The following ZNF850 variants were observed in gnomAD, a reference collection of about 807,000 sequenced individuals.
ZNF850 encodes putative zinc finger protein ENSP00000330994.
ZNF850 carries 2 observed loss-of-function variants against 11.9 expected under a neutral mutation model. The observed-to-expected ratio is 0.17, with a 90% confidence interval of 0.07 to 0.53. The LOEUF (loss-of-function observed/expected upper bound fraction) is 0.53, where lower values mean the gene tolerates loss of function less well. Among genes scored for constraint, ZNF850 ranks in the 20% least tolerant of loss-of-function variants. The pLI is 0.94. For missense variants in ZNF850, 1,014 were observed against 1,316.4 expected (o/e 0.77, Z 3.55); for synonymous variants, 381 against 443.0 (o/e 0.86, Z 1.76).
intron 1 of ZNF850, among the ~76,000 whole-genome samples, chr19:36,768,617 A>G (rs1268919331): frequency 3.3e-5 from 5 of 152,070 alleles, no homozygotes; most frequent in Non-Finnish European, 5.9e-5. Flanking sequence ...CTAGGGTTCT[A>G]CCTTTTCTGT....
intron 1 of ZNF850, among the ~76,000 whole-genome samples, chr19:36,768,914 A>G (rs1462096885): frequency 1.4e-5 from 2 of 145,432 alleles, no homozygotes; most frequent in Non-Finnish European, 3.0e-5. Flanking sequence ...GTATGCCATG[A>G]TCCTGCCACT....
chr19:36,761,574 G>T, intron 4 of ZNF850, 69 bp downstream of exon 4: 2 of 848,308 alleles, frequency 2.4e-6, no homozygotes, highest in Non-Finnish European at 1.8e-6. Flanking sequence ...ATACCTGTAC[G>T]GTGCTGCCTC....
At chr19:36,752,654 T>C (rs192497150) in intron 4 of ZNF850, among the ~76,000 whole-genome samples, 1 of 152,070 alleles carries the variant, frequency 6.6e-6, no homozygotes, top group African/African-American at 2.4e-5. Flanking sequence ...AGTCTGTTTA[T>C]AGGAAAGAAA....
At chr19:36,755,907 T>C (rs933198205) in intron 4 of ZNF850, among the ~76,000 whole-genome samples, 2 of 45,564 alleles carry the variant, frequency 4.4e-5, no homozygotes, top group African/African-American at 6.2e-5. Flanking sequence ...GTTTTTAGCC[T>C]TTTTTTTTTT....
At chr19:36,772,508 C>G (rs2040591162) in intron 1 of ZNF850, among the ~76,000 whole-genome samples, 1 of 152,112 alleles carries the variant, frequency 6.6e-6, no homozygotes, top group South Asian at 2.1e-4. Flanking sequence ...CACACAGTCA[C>G]CGGTTCTTCA....
At position 36,750,363 on chromosome 19, in the gene ZNF850, G is replaced by T; in HGVS notation, c.677C>A (p.Ala226Glu). The part of the protein sequence containing the change: ...QRIHTGEKPC[A>E]CKEYGKAFIS... ...AAAAGCTTTTCCATATTCTTTACAT[G>T]CACAGGGCTTTTCCCCAGTATGAAT... The change falls in exon 5 of 5, where the codon GCA becomes GAA. Residue 226 changes from alanine to glutamate, a missense_variant. Transcript: ENST00000591344. 1 of 1,536,442 alleles carries T rather than the reference G, an allele frequency of 6.5e-7. No homozygotes were observed. Among genetic ancestry groups the T allele is most frequent in the Non-Finnish European group, 8.7e-7 (1 of 1,146,872 alleles).
At chr19:36,761,237 C>T (rs2040516125) in intron 4 of ZNF850, among the ~76,000 whole-genome samples, 1 of 151,878 alleles carries the variant, frequency 6.6e-6, no homozygotes, top group Non-Finnish European at 1.5e-5. Flanking sequence ...GTCAGGAGTT[C>T]GAGGCCAGCC....
intron 4 of ZNF850, among the ~76,000 whole-genome samples, chr19:36,756,356 T>C (rs770820669): frequency 6.6e-6 from 1 of 152,226 alleles, no homozygotes; most frequent in Non-Finnish European, 1.5e-5. Flanking sequence ...CCCAGAGGAA[T>C]GCATTCTTGT....
At chr19:36,768,429 T>A (rs1376148701) in intron 1 of ZNF850, among the ~76,000 whole-genome samples, 3 of 152,246 alleles carry the variant, frequency 2.0e-5, no homozygotes, top group African/African-American at 7.2e-5. Flanking sequence ...TTATTTTCAT[T>A]GTTGCTTAAT....
In ZNF850 at chr19:36,748,510, T is replaced by G; in HGVS notation, c.2530A>C (p.Lys844Gln). The G allele has an allele frequency of 6.5e-7, 1 of 1,538,546 alleles. No individual in the cohort carries two copies. Among genetic ancestry groups the G allele is most frequent in the Non-Finnish European group, 8.7e-7 (1 of 1,147,214 alleles). Reference sequence around the variant, plus strand: ...GAAGTAAAAGATTTCCCACATTCTTTACAACTGTAGCGTTTCTCACCAGTG... The same window carrying G: ...GAAGTAAAAGATTTCCCACATTCTTGACAACTGTAGCGTTTCTCACCAGTG... ...VHTGEKRYSC[K>Q]ECGKSFTSRS... Residue 844 changes from lysine (K) to glutamine (Q), a missense_variant, in exon 5 of 5, where the codon AAA becomes CAA. Physicochemically the swap from Lys to Gln is moderately conservative, Grantham distance 53. Transcript: ENST00000591344.
chr19:36,770,703 CAAAAAA>C (rs567709722), intron 1 of ZNF850, among the ~76,000 whole-genome samples: 129 of 66,472 alleles, frequency 1.9e-3, no homozygotes, highest in Non-Finnish European at 2.7e-3. Flanking sequence ...GAGACTCCAT[CAAAAAA>C]AAAAAAAAAA....
rs567940264 is a variant in ZNF850, at chr19:36,750,972, A to G, written c.236-168T>C. Among the ~76,000 whole-genome samples, 5 of 151,054 alleles carry G rather than the reference A, an allele frequency of 3.3e-5. No homozygotes were observed. In the East Asian group the frequency reaches 9.9e-4, roughly 30 times the overall value. Reference sequence around the variant, plus strand: ...TCCCAGCGCTTTGGGAGTCTGAGACAGGAGGATTGCTTGAGCCCAGGAGTT... The same window carrying G: ...TCCCAGCGCTTTGGGAGTCTGAGACGGGAGGATTGCTTGAGCCCAGGAGTT... On this transcript the variant is annotated intron_variant, in intron 4 of 4. Coordinates refer to ENST00000591344, the MANE Select transcript of ZNF850 (RefSeq NM_001193552.2).
intron 1 of ZNF850, among the ~76,000 whole-genome samples, chr19:36,768,887 T>TGGA (rs1476843278): frequency 1.3e-5 from 2 of 150,768 alleles, no homozygotes; most frequent in Non-Finnish European, 2.9e-5. Context: ...CCTTCAGCCC[T>TGGA]GGAGGTCAAG....
rs762672455 is a variant in ZNF850, at chr19:36,749,099, A to G, written c.1941T>C (p.Cys647=). The G allele has an allele frequency of 6.2e-7, 1 of 1,603,280 alleles. No individual in the cohort carries two copies. The highest frequency in any genetic ancestry group is 1.1e-5 in the South Asian group (1 of 90,224). Reference sequence around the variant, plus strand: ...TGACAAAGGCTTTCCCACATTCCTGACATTGATAAGGTTTCTCACCAGTAT... The same window carrying G: ...TGACAAAGGCTTTCCCACATTCCTGGCATTGATAAGGTTTCTCACCAGTAT... ...QIHTGEKPYQ[C]QECGKAFVSV... Residue 647 remains cysteine, a synonymous_variant, in exon 5 of 5, where the codon TGT becomes TGC. Transcript: ENST00000591344.
intron 4 of ZNF850, among the ~76,000 whole-genome samples, chr19:36,758,051 C>A (rs1390376590): frequency 6.6e-6 from 1 of 152,178 alleles, no homozygotes; most frequent in Non-Finnish European, 1.5e-5. Flanking sequence ...CCCCATGTAG[C>A]TAGCGGCTAC....
chr19:36,755,687 C>G (rs2040481594), intron 4 of ZNF850, among the ~76,000 whole-genome samples: 1 of 146,512 alleles, frequency 6.8e-6, no homozygotes, highest in Non-Finnish European at 1.5e-5. Flanking sequence ...GAGAGCACTT[C>G]GCAATAAAAA....
intron 4 of ZNF850, 122 bp from the exon 5 acceptor site, chr19:36,750,926 C>T (rs533448345): frequency 1.4e-5 from 15 of 1,106,162 alleles, no homozygotes; most frequent in East Asian, 7.8e-5. Context: ...ATGTGTTGGG[C>T]GTGGTGGCTC....
chr19:36,770,703 CAAAAAAAAAAAAA>C (rs567709722), intron 1 of ZNF850, among the ~76,000 whole-genome samples: 22 of 66,604 alleles, frequency 3.3e-4, no homozygotes, highest in East Asian at 1.9e-3. Context: ...GAGACTCCAT[CAAAAAAAAAAAAA>C]AAAAAAAAAA....
At chr19:36,755,906 C>CTTTTTTTTTTTT in intron 4 of ZNF850, among the ~76,000 whole-genome samples, 1 of 118,068 alleles carries the variant, frequency 8.5e-6, no homozygotes, top group Non-Finnish European at 1.7e-5. Flanking sequence ...AGTTTTTAGC[C>CTTTTTTTTTTTT]TTTTTTTTTT....
Sources: allele counts gnomAD v4.1 joint callset (sites outside exome capture counted in the v4.1 genomes callset), GRCh38; gene constraint gnomAD v4.1.1; transcripts MANE v1.5; gene names NCBI Gene and HGNC (gene_info 2026-07-23, HGNC 2026-07-21).